ZKSCAN4: variants seen among roughly 807,000 people sequenced by gnomAD.
ZKSCAN4 encodes the protein zinc finger protein with KRAB and SCAN domains 4.
A neutral mutation model predicts 30.8 loss-of-function variants in ZKSCAN4; 23 were observed. That is an observed-to-expected ratio of 0.75 (90% CI 0.54 to 1.06). The LOEUF (loss-of-function observed/expected upper bound fraction) is 1.06, where lower values mean the gene tolerates loss of function less well. ZKSCAN4 is among the 50% of genes least tolerant of loss of function. The probability of loss-of-function intolerance (pLI) is 0.00; values close to 1 mark genes in which losing one functional copy is unlikely to be tolerated. For synonymous variants in ZKSCAN4, 208 were observed against 252.5 expected (o/e 0.82, Z 1.67); for missense variants, 556 against 665.4 (o/e 0.84, Z 1.81).
At chr6:28,259,088 G>A in the ZKSCAN4 span, among the ~76,000 whole-genome samples, 1 of 152,142 alleles carries the variant, frequency 6.6e-6, no homozygotes, top group Admixed American at 6.5e-5. Context: ...AACAGTAGAG[G>A]GGATCATTGA....
chr6:28,251,537 T>C lies in ZKSCAN4; in HGVS notation c.423+21A>G, dbSNP rs1207778288. The C allele has an allele frequency of 5.0e-6, 8 of 1,614,056 alleles. No homozygotes were observed. Among genetic ancestry groups the C allele is most frequent in the Non-Finnish European group, 6.8e-6 (8 of 1,180,032 alleles). The stretch of plus-strand genomic sequence containing the variant: ...GAGGAAACAGACCACAGCGCTCAGA[T>C]ACTAAACCTGTTCTTTCTACCTGCG... On this transcript the variant is annotated intron_variant, in intron 1 of 4. Coordinates refer to ENST00000377294, the MANE Select transcript of ZKSCAN4 (RefSeq NM_019110.5). The surrounding 1 kb of genome is among the most constrained non-coding windows in gnomAD (Gnocchi z 4.5).
In ZKSCAN4 at chr6:28,243,460, C is replaced by G. The variant is rs1760573276; in HGVS notation, c.*1656G>C. Reference sequence around the variant, plus strand: ...CAATGCTGGAAGATGGTAATAGGCACTTGAGCACTTCGGAAGAAATCAGTC... The same window carrying G: ...CAATGCTGGAAGATGGTAATAGGCAGTTGAGCACTTCGGAAGAAATCAGTC... On this transcript the variant is annotated 3_prime_UTR_variant, in exon 5 of 5. Transcript: ENST00000377294. Among the ~76,000 whole-genome samples, 1 of 152,184 alleles carries G rather than the reference C, an allele frequency of 6.6e-6. No individual in the cohort carries two copies. Among genetic ancestry groups the G allele is most frequent in the Non-Finnish European group, 1.5e-5 (1 of 68,028 alleles).
chr6:28,259,125 C>G, the ZKSCAN4 span, among the ~76,000 whole-genome samples: 4,577 of 152,334 alleles, frequency 0.03, 98 homozygotes, highest in Non-Finnish European at 0.045. Context: ...TATGTTCCCA[C>G]ACGGCTCAAG....
Position 28,243,489 on chromosome 6 carries a change from A to C in ZKSCAN4, c.*1627T>G, listed in dbSNP as rs1300933494. ...AGCACTTCGGAAGAAATCAGTCTTT[A>C]AGCATCGCAGGTGATTTGGGTGAAA... On this transcript the variant is annotated 3_prime_UTR_variant, in exon 5 of 5. Transcript: ENST00000377294. 6.6e-6 allele frequency among the ~76,000 whole-genome samples: 1 copy of C among 152,188 alleles called. No homozygotes were observed. The highest frequency in any genetic ancestry group is 1.5e-5 in the Non-Finnish European group (1 of 68,034).
At position 28,248,163 on chromosome 6, in the gene ZKSCAN4, A is replaced by C. The variant is rs73402513; in HGVS notation, c.572-14T>G. 18,530 of 1,609,306 alleles carry C rather than the reference A, an allele frequency of 0.012. 581 individuals are homozygous for C. Among genetic ancestry groups the C allele is most frequent in the African/African-American group, 0.12 (8,623 of 74,892 alleles). On this transcript the variant is annotated splice_polypyrimidine_tract_variant and intron_variant, in intron 2 of 4. Coordinates refer to ENST00000377294, the MANE Select transcript of ZKSCAN4 (RefSeq NM_019110.5). ...GAACCTGGAGAACTAAGAAAGAAAGAAGCTCTGGATGAGAACTACCCTAGT... is the reference window on the plus strand; with the variant it reads ...GAACCTGGAGAACTAAGAAAGAAAGCAGCTCTGGATGAGAACTACCCTAGT...
At chr6:28,258,737 C>T in the ZKSCAN4 span, among the ~76,000 whole-genome samples, 2 of 149,312 alleles carry the variant, frequency 1.3e-5, no homozygotes, top group East Asian at 4.0e-4. Flanking sequence ...CACTGCACCC[C>T]AACCTGGGCG....
chr6:28,249,591 G>T lies in ZKSCAN4; in HGVS notation c.571+96C>A. On this transcript the variant is annotated intron_variant, in intron 2 of 4. Transcript: ENST00000377294. The surrounding 1 kb of genome is among the most constrained non-coding windows in gnomAD (Gnocchi z 4.1). ...CTTAAAATACAGCTCTCTGTGATGA[G>T]TATATAAAGTAACTGTAAATGGATC... The T allele has an allele frequency of 7.1e-7, 1 of 1,416,372 alleles. No individual in the cohort carries two copies. Among genetic ancestry groups the T allele is most frequent in the Non-Finnish European group, 9.6e-7 (1 of 1,039,726 alleles). The allele number at this position is 1,416,372 out of a possible 1,614,324, so 87.7% of individuals were successfully genotyped here. A position where few individuals can be genotyped will look rare whatever the true frequency, so the allele number is the denominator to read the frequency against.
the ZKSCAN4 span, among the ~76,000 whole-genome samples, chr6:28,258,966 G>A: frequency 6.6e-6 from 1 of 152,126 alleles, no homozygotes; most frequent in East Asian, 1.9e-4. Context: ...AGCGTTGGTA[G>A]TAGGGATCTT....
At chr6:28,246,649 C>T (rs182022782) in intron 4 of ZKSCAN4, among the ~76,000 whole-genome samples, 8 of 151,902 alleles carry the variant, frequency 5.3e-5, no homozygotes, top group African/African-American at 1.7e-4. Flanking sequence ...CTGAAGAGGC[C>T]CCCCCCTCCC....
At position 28,245,545 on chromosome 6, in the gene ZKSCAN4, G is replaced by C; in HGVS notation, c.1209C>G (p.Pro403=). The part of the protein sequence containing the change: ...KHQRTHTGEK[P]YECDDCGKTF... ...TCTTCCCACAGTCATCACACTCATA[G>C]GGCTTCTCCCCAGTGTGGGTTCTCT... The change falls in exon 5 of 5, where the codon CCC becomes CCG. Residue 403 remains proline (P), a synonymous_variant. Transcript: ENST00000377294. 1.2e-6 allele frequency: 2 copies of C among 1,614,100 alleles called. No individual in the cohort carries two copies. The highest frequency in any genetic ancestry group is 1.7e-6 in the Non-Finnish European group (2 of 1,180,008).
Position 28,251,535 on chromosome 6 carries a change from GAT to G in ZKSCAN4, c.423+21_423+22del, listed in dbSNP as rs1305796156. 1 of 1,614,062 alleles carries G rather than the reference GAT, an allele frequency of 6.2e-7. No homozygotes were observed. The highest frequency in any genetic ancestry group is 8.5e-7 in the Non-Finnish European group (1 of 1,180,034). The stretch of plus-strand genomic sequence containing the variant: ...AGGAGGAAACAGACCACAGCGCTCA[GAT>G]ACTAAACCTGTTCTTTCTACCTGCG... On this transcript the variant is annotated intron_variant, in intron 1 of 4. Coordinates refer to ENST00000377294, the MANE Select transcript of ZKSCAN4 (RefSeq NM_019110.5). This position sits in a 1 kb window ranked among gnomAD's most constrained non-coding sequence, Gnocchi z 4.5.
chr6:28,258,106 A>C, the ZKSCAN4 span, among the ~76,000 whole-genome samples: 3 of 152,324 alleles, frequency 2.0e-5, no homozygotes, highest in East Asian at 5.8e-4. Flanking sequence ...AAGTACTAAA[A>C]TTCTACTTAG....
intron 3 of ZKSCAN4, among the ~76,000 whole-genome samples, chr6:28,247,334 T>G (rs1013213995): frequency 1.3e-5 from 2 of 152,186 alleles, no homozygotes; most frequent in African/African-American, 4.8e-5. Context: ...GTAAAAAGGT[T>G]TGGAAGACAA....
Position 28,245,681 on chromosome 6 carries a change from A to C in ZKSCAN4, c.1073T>G (p.Ile358Ser), listed in dbSNP as rs780006212. Residue 358 changes from isoleucine to serine, a missense_variant, in exon 5 of 5, where the codon ATT becomes AGT. By Grantham distance (142) the Ile-to-Ser change is moderately radical. Coordinates refer to ENST00000377294, the MANE Select transcript of ZKSCAN4 (RefSeq NM_019110.5). ...YECEDCGKTF[I>S]GSSALVIHQR... ...ATGAATGACAAGGGCAGAGCTCCCA[A>C]TGAAGGTCTTTCCACAGTCTTCACA... 6.2e-7 allele frequency: 1 copy of C among 1,613,564 alleles called. No individual in the cohort carries two copies. Among genetic ancestry groups the C allele is most frequent in the South Asian group, 1.1e-5 (1 of 91,060 alleles).
At position 28,249,355 on chromosome 6, in the gene ZKSCAN4, TTCTG is replaced by T. The variant is rs1760887701; in HGVS notation, c.571+328_571+331del. Among the ~76,000 whole-genome samples the T allele has an allele frequency of 6.6e-6, 1 of 152,188 alleles. No homozygotes were observed. The highest frequency in any genetic ancestry group is 1.5e-5 in the Non-Finnish European group (1 of 68,028). On this transcript the variant is annotated intron_variant, in intron 2 of 4. Coordinates refer to ENST00000377294, the MANE Select transcript of ZKSCAN4 (RefSeq NM_019110.5). The surrounding 1 kb of genome is among the most constrained non-coding windows in gnomAD (Gnocchi z 4.1). ...AATGTAAGCTCCATCAAAGCAAGAA[TTCTG>T]TCTTATTGGTGGCTCTCTCCCCAGT...
chr6:28,241,699 AC>A lies in ZKSCAN4; in HGVS notation c.*3416del, dbSNP rs1760505084. ...AGAAGACCAATACTGTCAAATAGTT[AC>A]AGGACACTTTTAAAATATAGTCTTT... On this transcript the variant is annotated 3_prime_UTR_variant, in exon 5 of 5. Coordinates refer to ENST00000377294, the MANE Select transcript of ZKSCAN4 (RefSeq NM_019110.5). Among the ~76,000 whole-genome samples the A allele has an allele frequency of 6.6e-6, 1 of 152,206 alleles. No homozygotes were observed. The highest frequency in any genetic ancestry group is 1.5e-5 in the Non-Finnish European group (1 of 68,024).
intron 4 of ZKSCAN4, among the ~76,000 whole-genome samples, chr6:28,246,649 C>A (rs182022782): frequency 0.022 from 3,361 of 152,020 alleles, 48 homozygotes; most frequent in Non-Finnish European, 0.032. Flanking sequence ...CTGAAGAGGC[C>A]CCCCCCTCCC....
At chr6:28,246,419 C>T (rs1760735535) in intron 4 of ZKSCAN4, among the ~76,000 whole-genome samples, 1 of 152,100 alleles carries the variant, frequency 6.6e-6, no homozygotes, top group South Asian at 2.1e-4. Flanking sequence ...CATGGACCGT[C>T]ATCTCTAACT....
At chr6:28,255,413 G>T (rs2394048), upstream of ZKSCAN4, among the ~76,000 whole-genome samples, 151,562 of 152,278 alleles carry the variant, frequency 1, 75,426 homozygotes, top group Middle Eastern at 1. Context: ...ATTAGTATAT[G>T]TCCTGAGTGT....
Sources: gnomAD v4.1 joint callset for allele counts (sites outside exome capture counted in the v4.1 genomes callset) on GRCh38, gnomAD v4.1.1 for gene constraint, Gnocchi (gnomAD v3.1) non-coding constraint, MANE v1.5 for transcripts, NCBI Gene and HGNC (gene_info 2026-07-23, HGNC 2026-07-21) for gene names.